Variants in RNF170 observed in about 807,000 individuals in gnomAD.
The protein encoded by RNF170 is E3 ubiquitin-protein ligase RNF170.
In RNF170, 12 loss-of-function variants were observed where a neutral mutation model predicts 32.7. That is an observed-to-expected ratio of 0.37 (90% CI 0.24 to 0.60). RNF170 has a LOEUF of 0.60. RNF170 is among the 20% of genes least tolerant of loss of function. RNF170 has a pLI of 0.72. For missense variants in RNF170, 212 were observed against 311.2 expected, an observed-to-expected ratio of 0.68 and a Z score of 2.40; for synonymous variants, 91 against 103.6, an observed-to-expected ratio of 0.88 and a Z score of 0.74.
chr8:42,887,921 GAAATATACTAATAAAAGCAATGT>G (rs774050216), intron 1 of RNF170, 50 bp from the exon 2 acceptor site: 1 of 1,509,796 alleles, frequency 6.6e-7, no homozygotes, highest in South Asian at 1.1e-5. Context: ...CAGTGAAAAT[GAAATATACTAATAAAAGCAATGT>G]AAATATAACT....
chr8:42,863,040 C>T (rs779966137), intron 5 of RNF170, among the ~76,000 whole-genome samples: 16 of 152,124 alleles, frequency 1.1e-4, no homozygotes, highest in Admixed American at 2.0e-4. Flanking sequence ...CTGGTGTGCA[C>T]GCATTCAAGG....
At chr8:42,863,899 C>T (rs1440609064) in intron 5 of RNF170, among the ~76,000 whole-genome samples, 5 of 151,990 alleles carry the variant, frequency 3.3e-5, no homozygotes, top group Non-Finnish European at 7.4e-5. Flanking sequence ...TGACTTGGAC[C>T]TCCCTCTTTG....
intron 1 of RNF170, among the ~76,000 whole-genome samples, chr8:42,892,269 G>A (rs1014162413): frequency 2.0e-5 from 3 of 152,084 alleles, no homozygotes; most frequent in African/African-American, 4.8e-5. Context: ...CTGCAGCCTC[G>A]ACCTCCCAGG....
At chr8:42,872,875 A>G (rs1804628433) in intron 3 of RNF170, among the ~76,000 whole-genome samples, 2 of 152,106 alleles carry the variant, frequency 1.3e-5, no homozygotes, top group Non-Finnish European at 2.9e-5. Flanking sequence ...ATATCTGGTG[A>G]ATGGATAAAT....
chr8:42,879,666 A>G (rs1805226891), intron 2 of RNF170, among the ~76,000 whole-genome samples: 1 of 152,110 alleles, frequency 6.6e-6, no homozygotes, highest in African/African-American at 2.4e-5. Flanking sequence ...CAATAAATAA[A>G]GAATAAAATA....
chr8:42,888,555 A>G (rs1563274978), intron 1 of RNF170, among the ~76,000 whole-genome samples: 1 of 151,538 alleles, frequency 6.6e-6, no homozygotes, highest in East Asian at 2.0e-4. Context: ...CTGAGGTCAG[A>G]AGTTCGAGAC....
At chr8:42,882,492 G>C (rs1300956747) in intron 2 of RNF170, among the ~76,000 whole-genome samples, 2 of 152,162 alleles carry the variant, frequency 1.3e-5, no homozygotes, top group Non-Finnish European at 2.9e-5. Flanking sequence ...AAAGTGCTAG[G>C]ATTACAGGTG....
intron 1 of RNF170, chr8:42,896,143 T>G (rs1481398745): frequency 9.2e-6 from 2 of 216,322 alleles, no homozygotes; most frequent in African/African-American, 4.8e-5. Flanking sequence ...CCGGTGTCCT[T>G]ACGGATTGGC....
intron 6 of RNF170, among the ~76,000 whole-genome samples, chr8:42,857,446 A>G (rs549484459): frequency 7.2e-5 from 11 of 152,342 alleles, no homozygotes; most frequent in African/African-American, 2.4e-4. Flanking sequence ...AACAGCCAGC[A>G]TGTCTTTTGA....
rs1423642323 is a variant in RNF170 at position 42,855,369 on chromosome 8, G to A, written c.*790C>T. 2 of 672,782 alleles carry A rather than the reference G, an allele frequency of 3.0e-6. No individual in the cohort carries two copies. The highest frequency in any genetic ancestry group is 1.7e-5 in the South Asian group (1 of 60,200). The allele number at this position is 672,782 out of a possible 1,614,324, so 41.7% of individuals were successfully genotyped here. On this transcript the variant is annotated 3_prime_UTR_variant, in exon 7 of 7. Coordinates refer to ENST00000527424, the MANE Select transcript of RNF170 (RefSeq NM_030954.4). The stretch of plus-strand genomic sequence containing the variant: ...TGGGACTACAGGCGCCTGCCACCAC[G>A]CCTGGCTAATTTTTTGTATTTTTAG...
rs533057563 is a variant in RNF170, at chr8:42,870,272, G to T, written c.214-160C>A. 2.6e-5 allele frequency among the ~76,000 whole-genome samples: 4 copies of T among 152,246 alleles called. No individual in the cohort carries two copies. In the South Asian group the frequency reaches 6.2e-4, roughly 24 times the overall value. ...GTTATAATTTTAAGAATGTTATGAG[G>T]CTATATTGTTTTTATTTAAGCTGCA... is the stretch of plus-strand genomic sequence containing the variant. On this transcript the variant is annotated intron_variant, in intron 3 of 6. Coordinates refer to ENST00000527424, the MANE Select transcript of RNF170 (RefSeq NM_030954.4).
intron 1 of RNF170, among the ~76,000 whole-genome samples, chr8:42,894,961 C>A (rs1806647165): frequency 1.3e-5 from 2 of 150,860 alleles, no homozygotes; most frequent in African/African-American, 4.9e-5. Context: ...TTTACACTTA[C>A]AAAATGCTAA....
chr8:42,871,402 A>G lies in RNF170; in HGVS notation c.214-1290T>C, dbSNP rs1340390621. Among the ~76,000 whole-genome samples, 7 of 152,122 alleles carry G rather than the reference A, an allele frequency of 4.6e-5. 1 individual carries two copies. The South Asian group carries it at 1.2e-3, about 27-fold the overall frequency. On this transcript the variant is annotated intron_variant, in intron 3 of 6. Transcript: ENST00000527424. ...CAGATTTTTGCCACTCAATATTCAT[A>G]AACAAATTTAATAAATTTAAATAAT... is the stretch of plus-strand genomic sequence containing the variant.
At chr8:42,873,339 G>C (rs765696247) in intron 3 of RNF170, among the ~76,000 whole-genome samples, 5 of 151,830 alleles carry the variant, frequency 3.3e-5, no homozygotes, top group Admixed American at 1.3e-4. Flanking sequence ...TGATCTATAG[G>C]AAAGGAATTT....
intron 2 of RNF170, among the ~76,000 whole-genome samples, chr8:42,879,161 G>A (rs1430294063): frequency 6.6e-6 from 1 of 152,204 alleles, no homozygotes. Flanking sequence ...TGTACAAGGA[G>A]ATGAATGTTT....
intron 1 of RNF170, among the ~76,000 whole-genome samples, chr8:42,891,687 C>A (rs1211628060): frequency 6.6e-6 from 1 of 152,174 alleles, no homozygotes; most frequent in Non-Finnish European, 1.5e-5. Flanking sequence ...GTGGCCTGTC[C>A]TCAACCTTTA....
intron 1 of RNF170, among the ~76,000 whole-genome samples, chr8:42,893,595 T>G (rs1287074169): frequency 6.6e-6 from 1 of 152,196 alleles, no homozygotes; most frequent in Non-Finnish European, 1.5e-5. Flanking sequence ...TTGTGAAGTT[T>G]ATAATGAGAT....
At chr8:42,867,743 T>TCCAG (rs781410227) in intron 4 of RNF170, among the ~76,000 whole-genome samples, 79 of 116,166 alleles carry the variant, frequency 6.8e-4, no homozygotes, top group Non-Finnish European at 9.7e-4. Flanking sequence ...GCCACTGCAC[T>TCCAG]CCAGCCTGGG....
chr8:42,889,436 T>C (rs1167761298), intron 1 of RNF170: 5 of 152,152 alleles, frequency 3.3e-5, no homozygotes, highest in African/African-American at 1.2e-4. Context: ...TTAAGGAATA[T>C]ATATTCAATT....
Sources: gnomAD v4.1 joint callset for allele counts (sites outside exome capture counted in the v4.1 genomes callset) on GRCh38, gnomAD v4.1.1 for gene constraint, MANE v1.5 for transcripts, NCBI Gene and HGNC (gene_info 2026-07-23, HGNC 2026-07-21) for gene names.